HSDL2: variants seen among roughly 807,000 people sequenced by gnomAD.
HSDL2 encodes the protein hydroxysteroid dehydrogenase-like protein 2.
Under a neutral mutation model 46.3 loss-of-function variants are expected in HSDL2, and 27 were observed. That is an observed-to-expected ratio of 0.58 (90% CI 0.43 to 0.80). The LOEUF is 0.80. Among genes scored for constraint, HSDL2 ranks in the 30% least tolerant of loss-of-function variants. The pLI is 0.00. For missense variants in HSDL2, 451 were observed against 502.7 expected, an observed-to-expected ratio of 0.90 and a Z score of 0.98; for synonymous variants, 153 against 163.6, an observed-to-expected ratio of 0.94 and a Z score of 0.50.
At chr9:112,457,269 G>T (rs1232673367) in intron 9 of HSDL2, among the ~76,000 whole-genome samples, 1 of 152,204 alleles carries the variant, frequency 6.6e-6, no homozygotes, top group East Asian at 1.9e-4. Flanking sequence ...TTATACTTTG[G>T]TTGTCACAAA....
At chr9:112,464,817 TA>T (rs1484529698) in intron 10 of HSDL2, among the ~76,000 whole-genome samples, 2 of 152,168 alleles carry the variant, frequency 1.3e-5, no homozygotes, top group African/African-American at 4.8e-5. Context: ...GTCAACCTCA[TA>T]TCCCTCTATA....
chr9:112,444,126 A>G (rs1165159330), intron 8 of HSDL2, among the ~76,000 whole-genome samples: 1 of 152,208 alleles, frequency 6.6e-6, no homozygotes, highest in African/African-American at 2.4e-5. Context: ...GGTTCAGTCA[A>G]TAGCAATTTT....
chr9:112,428,054 AT>A (rs1832293123), intron 6 of HSDL2, among the ~76,000 whole-genome samples: 1 of 152,172 alleles, frequency 6.6e-6, no homozygotes, highest in Admixed American at 6.6e-5. Flanking sequence ...GTTGCTTCCT[AT>A]CTGCTATGTA....
intron 1 of HSDL2, among the ~76,000 whole-genome samples, chr9:112,386,607 C>G (rs1197121283): frequency 7.0e-6 from 1 of 142,244 alleles, no homozygotes; most frequent in Non-Finnish European, 1.5e-5. Context: ...CACAGTAAGA[C>G]TCTGTCTCTA....
intron 3 of HSDL2, among the ~76,000 whole-genome samples, chr9:112,407,394 C>T (rs1001694509): frequency 6.6e-6 from 1 of 151,912 alleles, no homozygotes; most frequent in Non-Finnish European, 1.5e-5. Flanking sequence ...TTTTCATTCT[C>T]CCATATTCAT....
chr9:112,380,203 G>C, intron 1 of HSDL2, 23 bp downstream of exon 1: 1 of 1,556,742 alleles, frequency 6.4e-7, no homozygotes, highest in African/African-American at 1.4e-5. Flanking sequence ...GGGCGGCGCG[G>C]GGAGAGACCC....
At chr9:112,457,354 G>A (rs972133751) in intron 9 of HSDL2, among the ~76,000 whole-genome samples, 2 of 152,138 alleles carry the variant, frequency 1.3e-5, no homozygotes, top group South Asian at 2.1e-4. Flanking sequence ...TGAACCAGAC[G>A]TGCTGGTTTG....
intron 8 of HSDL2, 39 bp from the exon 9 acceptor site, chr9:112,453,974 C>T (rs1587965053): frequency 6.3e-7 from 1 of 1,590,842 alleles, no homozygotes; most frequent in Non-Finnish European, 8.6e-7. Context: ...TCCTTCACTG[C>T]CAAGCATTAA....
chr9:112,452,844 TGTTAA>T (rs1564130400), intron 8 of HSDL2, among the ~76,000 whole-genome samples: 2 of 152,052 alleles, frequency 1.3e-5, no homozygotes, highest in African/African-American at 4.8e-5. Context: ...GCTGATCATA[TGTTAA>T]GTTGTTATAG....
chr9:112,431,122 G>A (rs1322821952), intron 6 of HSDL2, among the ~76,000 whole-genome samples: 5 of 151,474 alleles, frequency 3.3e-5, no homozygotes, highest in East Asian at 3.9e-4. Context: ...CAGTGGAGTC[G>A]CCAGGAACTG....
intron 9 of HSDL2, among the ~76,000 whole-genome samples, chr9:112,456,625 A>G (rs1833034039): frequency 6.6e-6 from 1 of 152,038 alleles, no homozygotes; most frequent in Non-Finnish European, 1.5e-5. Flanking sequence ...AACCCCAACC[A>G]TTCACGCGGC....
intron 6 of HSDL2, among the ~76,000 whole-genome samples, chr9:112,434,346 G>A (rs1832470027): frequency 6.6e-6 from 1 of 152,144 alleles, no homozygotes; most frequent in Admixed American, 6.5e-5. Context: ...TCTGTCACCT[G>A]GACTATATTA....
At chr9:112,417,841 G>A (rs1564115487) in intron 5 of HSDL2, among the ~76,000 whole-genome samples, 1 of 150,352 alleles carries the variant, frequency 6.7e-6, no homozygotes, top group Non-Finnish European at 1.5e-5. Context: ...ACTTTGGGAA[G>A]CCGAGACAGG....
chr9:112,406,030 G>A (rs1831718265), intron 3 of HSDL2, among the ~76,000 whole-genome samples: 1 of 151,930 alleles, frequency 6.6e-6, no homozygotes, highest in South Asian at 2.1e-4. Context: ...ACATGGTGGT[G>A]GATGCCTGTA....
Position 112,425,131 on chromosome 9 carries a change from T to C in HSDL2, c.598+6173T>C, listed in dbSNP as rs905442634. ...TGGGAATGCTTTTCATCATAATATA[T>C]ATGCAGTTTCTTCCCTTTTTTTAAC... On this transcript the variant is annotated intron_variant, in intron 6 of 10. Coordinates refer to ENST00000398805, the MANE Select transcript of HSDL2 (RefSeq NM_032303.5). Among the ~76,000 whole-genome samples, 5 of 152,178 alleles carry C rather than the reference T, an allele frequency of 3.3e-5. No homozygotes were observed. The East Asian group carries it at 9.6e-4, about 29-fold the overall frequency.
chr9:112,385,203 G>GTT (rs1831190013), intron 1 of HSDL2, among the ~76,000 whole-genome samples: 1 of 152,024 alleles, frequency 6.6e-6, no homozygotes, highest in Admixed American at 6.6e-5. Flanking sequence ...TACATAGAGT[G>GTT]TTTTATATAT....
At chr9:112,398,527 A>C (rs1436029785) in intron 1 of HSDL2, among the ~76,000 whole-genome samples, 1 of 152,000 alleles carries the variant, frequency 6.6e-6, no homozygotes, top group African/African-American at 2.4e-5. Context: ...TTGAGTCCTC[A>C]ATATCGTCAG....
Position 112,459,485 on chromosome 9 carries a change from G to C in HSDL2, c.1052G>C (p.Ser351Thr). The C allele has an allele frequency of 6.2e-7, 1 of 1,614,012 alleles. No homozygotes were observed. ...DGGTWFLDLK[S>T]KGGNVGYGEP... ...GGCACGTGGTTTCTTGATCTGAAAA[G>C]CAAGGGTGGGAATGTCGGATATGGA... Residue 351 changes from serine (S) to threonine (T), a missense_variant, in exon 10 of 11, where the codon AGC (serine) becomes ACC (threonine). Physicochemically the swap from Ser to Thr is moderately conservative, Grantham distance 58. Coordinates refer to ENST00000398805, the MANE Select transcript of HSDL2 (RefSeq NM_032303.5).
At chr9:112,449,922 A>G (rs1461757875) in intron 8 of HSDL2, among the ~76,000 whole-genome samples, 1 of 150,772 alleles carries the variant, frequency 6.6e-6, no homozygotes, top group African/African-American at 2.4e-5. Context: ...TACTTTTTTT[A>G]CTTTTGGTTT....
Sources: allele counts gnomAD v4.1 joint callset (sites outside exome capture counted in the v4.1 genomes callset), GRCh38; gene constraint gnomAD v4.1.1; transcripts MANE v1.5; gene names NCBI Gene and HGNC (gene_info 2026-07-23, HGNC 2026-07-21).